The following HTR7 variants were observed in gnomAD, a reference collection of about 807,000 sequenced individuals.
HTR7 encodes the protein 5-hydroxytryptamine receptor 7.
A neutral mutation model predicts 34.0 loss-of-function variants in HTR7; 16 were observed. The observed-to-expected ratio is 0.47, with a 90% CI of 0.32 to 0.71. HTR7 has a LOEUF of 0.71. Among genes scored for constraint, HTR7 ranks in the 30% least tolerant of loss-of-function variants. The probability of loss-of-function intolerance (pLI) is 0.04; values close to 1 mark genes in which losing one functional copy is unlikely to be tolerated. For synonymous variants in HTR7, 265 were observed against 260.2 expected (o/e 1.02, Z -0.18); for missense variants, 504 against 625.5 (o/e 0.81, Z 2.07).
chr10:90,786,365 A>AT (rs111810789), intron 1 of HTR7, among the ~76,000 whole-genome samples: 2,609 of 152,018 alleles, frequency 0.017, 84 homozygotes, highest in African/African-American at 0.058. Flanking sequence ...CAGGCCACTG[A>AT]TTTTTTTTCC....
At chr10:90,771,789 G>T (rs528228926) in intron 1 of HTR7, among the ~76,000 whole-genome samples, 3 of 152,290 alleles carry the variant, frequency 2.0e-5, no homozygotes. Context: ...AGTGCAGCCT[G>T]CCAGGCCGAG....
In HTR7 at chr10:90,857,840, A is replaced by C; in HGVS notation, c.-169T>G. ...TGTCTCGGAGCCCCGCACTCCCCGG[A>C]CCCCCGGCCGCTGCGGGTAACGCGG... On this transcript the variant is annotated 5_prime_UTR_variant, in exon 1 of 4. Transcript: ENST00000336152. The surrounding 1 kb of genome is among the most constrained non-coding windows in gnomAD (Gnocchi z 6.5). The C allele has an allele frequency of 1.7e-6, 1 of 586,402 alleles. No homozygotes were observed. Among genetic ancestry groups the C allele is most frequent in the Non-Finnish European group, 2.5e-6 (1 of 405,852 alleles). 36.3% of individuals were successfully genotyped at this position (586,402 alleles called of 1,614,324 possible). A position where few individuals can be genotyped will look rare whatever the true frequency, so the allele number is the denominator to read the frequency against.
chr10:90,786,275 A>G (rs1845379359), intron 1 of HTR7, among the ~76,000 whole-genome samples: 1 of 152,254 alleles, frequency 6.6e-6, no homozygotes, highest in South Asian at 2.1e-4. Context: ...GCCTTGGCTA[A>G]GGATGGTTCA....
chr10:90,747,842 T>C (rs1844664137), intron 2 of HTR7, among the ~76,000 whole-genome samples: 1 of 152,182 alleles, frequency 6.6e-6, no homozygotes, highest in African/African-American at 2.4e-5. Context: ...CAAGTTTATT[T>C]TTCCCCTGAC....
rs918171786 is a variant in HTR7 at position 90,793,014 on chromosome 10, C to A, written c.540-43420G>T. 2.0e-5 allele frequency among the ~76,000 whole-genome samples: 3 copies of A among 152,138 alleles called. No individual in the cohort carries two copies. In the South Asian group the frequency reaches 6.2e-4, roughly 32 times the overall value. On this transcript the variant is annotated intron_variant, in intron 1 of 3. Transcript: ENST00000336152. ...TGACAATGACTTCTTGGATATGACA[C>A]CAAAGCACAGGCAGCAAAAGCAAAA...
At chr10:90,816,128 A>G (rs902608463) in intron 1 of HTR7, among the ~76,000 whole-genome samples, 10 of 152,318 alleles carry the variant, frequency 6.6e-5, no homozygotes, top group African/African-American at 2.4e-4. Context: ...CTGCGTCTGA[A>G]GCTATGCGAG....
chr10:90,769,661 A>C (rs1359595608), intron 1 of HTR7, among the ~76,000 whole-genome samples: 5 of 152,200 alleles, frequency 3.3e-5, no homozygotes, highest in Non-Finnish European at 5.9e-5. Context: ...ATGCACTTTA[A>C]AATAGCCATG....
At chr10:90,780,462 A>G (rs1401627136) in intron 1 of HTR7, among the ~76,000 whole-genome samples, 1 of 150,466 alleles carries the variant, frequency 6.6e-6, no homozygotes, top group Non-Finnish European at 1.5e-5. Flanking sequence ...GCTTGAACCC[A>G]GGAGACGGAG....
At chr10:90,852,685 A>C (rs973782807) in intron 1 of HTR7, among the ~76,000 whole-genome samples, 3 of 152,230 alleles carry the variant, frequency 2.0e-5, no homozygotes, top group Non-Finnish European at 4.4e-5. Context: ...TGAACCACTG[A>C]TAGGCTAAAA....
intron 1 of HTR7, among the ~76,000 whole-genome samples, chr10:90,783,539 T>C (rs1224604284): frequency 1.3e-5 from 2 of 152,198 alleles, no homozygotes; most frequent in Non-Finnish European, 2.9e-5. Context: ...TCTCTAAGGA[T>C]TCCTCTTACT....
At chr10:90,745,349 G>A (rs143323902) in intron 2 of HTR7, among the ~76,000 whole-genome samples, 1 of 152,246 alleles carries the variant, frequency 6.6e-6, no homozygotes, top group East Asian at 1.9e-4. Context: ...AGCTCCCTCA[G>A]GCCTCTTTTA....
At chr10:90,779,780 G>A (rs1845276352) in intron 1 of HTR7, among the ~76,000 whole-genome samples, 1 of 152,166 alleles carries the variant, frequency 6.6e-6, no homozygotes, top group African/African-American at 2.4e-5. Flanking sequence ...GCAGGGAAGT[G>A]CAATTTGTCA....
chr10:90,807,000 G>C (rs1845716118), intron 1 of HTR7, among the ~76,000 whole-genome samples: 1 of 152,084 alleles, frequency 6.6e-6, no homozygotes, highest in Admixed American at 6.5e-5. Context: ...GAAACCAGAG[G>C]GCATAATGTA....
In HTR7 at chr10:90,844,726, CAA is replaced by C. The variant is rs71025328; in HGVS notation, c.539+12405_539+12406del. ...TGGGCAACAGAATGAGACTCCGTCT[CAA>C]AAAAAAAAAAAAAAAAAAAAAAAAA... On this transcript the variant is annotated intron_variant, in intron 1 of 3. Coordinates refer to ENST00000336152, the MANE Select transcript of HTR7 (RefSeq NM_019859.4). 4.1e-3 allele frequency among the ~76,000 whole-genome samples: 160 copies of C among 39,444 alleles called. 1 individual carries two copies. Among genetic ancestry groups the C allele is most frequent in the African/African-American group, 0.013 (147 of 11,068 alleles). 25.9% of individuals were successfully genotyped at this position (39,444 alleles called of 152,430 possible). A position where few individuals can be genotyped will look rare whatever the true frequency, so the allele number is the denominator to read the frequency against.
At chr10:90,758,232 C>A (rs2119707368) in intron 1 of HTR7, among the ~76,000 whole-genome samples, 1 of 150,824 alleles carries the variant, frequency 6.6e-6, no homozygotes, top group Non-Finnish European at 1.5e-5. Flanking sequence ...GTAGTCCCAG[C>A]TACTCAGGAG....
At chr10:90,827,802 T>C (rs1846102043) in intron 1 of HTR7, among the ~76,000 whole-genome samples, 1 of 152,174 alleles carries the variant, frequency 6.6e-6, no homozygotes, top group Non-Finnish European at 1.5e-5. Flanking sequence ...CACCCCACTT[T>C]CAGCATTGGA....
At chr10:90,831,658 G>C (rs1846181372) in intron 1 of HTR7, among the ~76,000 whole-genome samples, 1 of 152,184 alleles carries the variant, frequency 6.6e-6, no homozygotes, top group East Asian at 1.9e-4. Context: ...ATTTTACAGA[G>C]AGCCGATTGG....
At chr10:90,753,765 T>C (rs1235208265) in intron 1 of HTR7, among the ~76,000 whole-genome samples, 1 of 152,004 alleles carries the variant, frequency 6.6e-6, no homozygotes, top group Non-Finnish European at 1.5e-5. Flanking sequence ...ATATGTATAA[T>C]GCAGCCATTA....
intron 1 of HTR7, among the ~76,000 whole-genome samples, chr10:90,815,420 T>C (rs1845883752): frequency 6.6e-6 from 1 of 152,196 alleles, no homozygotes; most frequent in South Asian, 2.1e-4. Context: ...TTGTGTCTTC[T>C]TTACCTAAAT....
Sources: gnomAD v4.1 joint callset for allele counts (sites outside exome capture counted in the v4.1 genomes callset) on GRCh38, gnomAD v4.1.1 for gene constraint, Gnocchi (gnomAD v3.1) non-coding constraint, MANE v1.5 for transcripts, NCBI Gene and HGNC (gene_info 2026-07-23, HGNC 2026-07-21) for gene names.